COL14A1: variants seen among roughly 807,000 people sequenced by gnomAD.
COL14A1 encodes collagen alpha-1(XIV) chain.
A neutral mutation model predicts 230.3 loss-of-function variants in COL14A1; 136 were observed. The ratio of observed to expected loss-of-function variants is 0.59; its 90% confidence interval spans 0.51 to 0.68. The LOEUF (loss-of-function observed/expected upper bound fraction) is 0.68. COL14A1 is among the 30% of genes least tolerant of loss of function. COL14A1 has a pLI of 0.00. For synonymous variants in COL14A1, 792 were observed against 784.1 expected, an observed-to-expected ratio of 1.01 and a Z score of -0.17; for missense variants, 1,976 against 2,215.8, an observed-to-expected ratio of 0.89 and a Z score of 2.17.
At chr8:120,289,476 T>C in intron 33 of COL14A1, 132 bp from the exon 34 acceptor site, 1 of 820,968 alleles carries the variant, frequency 1.2e-6, no homozygotes, top group Non-Finnish European at 1.8e-6. Context: ...TTTTCTCTTT[T>C]GGCAAAATAC....
intron 26 of COL14A1, among the ~76,000 whole-genome samples, chr8:120,270,737 A>G (rs10088304): frequency 0.021 from 3,157 of 151,852 alleles, 113 homozygotes; most frequent in African/African-American, 0.071. Flanking sequence ...GATGCTGGCA[A>G]GATTGTGGAG....
chr8:120,237,032 G>C (rs199660665), intron 19 of COL14A1, among the ~76,000 whole-genome samples: 1 of 152,102 alleles, frequency 6.6e-6, no homozygotes, highest in South Asian at 2.1e-4. Context: ...CCAACCTTTC[G>C]CTCTGGCTGC....
intron 36 of COL14A1, 133 bp from the exon 37 acceptor site, chr8:120,309,876 A>C: frequency 1.5e-6 from 1 of 659,966 alleles, no homozygotes; most frequent in Non-Finnish European, 2.4e-6. Context: ...ATCATGATGA[A>C]TGTATACTAT....
intron 2 of COL14A1, among the ~76,000 whole-genome samples, chr8:120,150,855 C>T (rs1391838961): frequency 6.6e-6 from 1 of 151,990 alleles, no homozygotes; most frequent in Non-Finnish European, 1.5e-5. Context: ...TTTAGGAATT[C>T]ACTTATAAGG....
chr8:120,194,549 G>A (rs905357659), intron 5 of COL14A1, among the ~76,000 whole-genome samples: 7 of 151,932 alleles, frequency 4.6e-5, no homozygotes, highest in African/African-American at 1.7e-4. Context: ...TCTATATCTT[G>A]TTTAGGAGCT....
chr8:120,208,090 C>T, intron 10 of COL14A1, 142 bp from the exon 11 acceptor site: 3 of 733,050 alleles, frequency 4.1e-6, no homozygotes, highest in Non-Finnish European at 6.3e-6. Context: ...AGAGAGTTGA[C>T]TGCCACAGTG....
intron 21 of COL14A1, among the ~76,000 whole-genome samples, chr8:120,249,713 A>C (rs757866187): frequency 2.2e-4 from 34 of 152,332 alleles, no homozygotes; most frequent in Admixed American, 9.8e-4. Flanking sequence ...TCTGCCCCAG[A>C]ATAAATAATT....
At position 120,147,792 on chromosome 8, in the gene COL14A1, C is replaced by T. The variant is rs1399400132; in HGVS notation, c.-37-14C>T. The T allele has an allele frequency of 7.3e-7, 1 of 1,371,388 alleles. No individual in the cohort carries two copies. The highest frequency in any genetic ancestry group is 1.0e-6 in the Non-Finnish European group (1 of 974,608). The allele number at this position is 1,371,388 out of a possible 1,614,324, so 85.0% of individuals were successfully genotyped here. A position where few individuals can be genotyped will look rare whatever the true frequency, so the allele number is the denominator to read the frequency against. The stretch of plus-strand genomic sequence containing the variant: ...CAGCCTTCTCAAAAATGTTCCTGTT[C>T]TCTCTGTTTCTAGGTGGCTGCTACA... On this transcript the variant is annotated splice_polypyrimidine_tract_variant and intron_variant, in intron 1 of 47. Coordinates refer to ENST00000297848, the MANE Select transcript of COL14A1 (RefSeq NM_021110.4).
intron 42 of COL14A1, among the ~76,000 whole-genome samples, chr8:120,333,870 C>T (rs1315932502): frequency 6.6e-6 from 1 of 152,206 alleles, no homozygotes; most frequent in Non-Finnish European, 1.5e-5. Context: ...AGTCACTTCT[C>T]TCTGACAACA....
At chr8:120,166,674 A>G (rs746233697) in intron 4 of COL14A1, among the ~76,000 whole-genome samples, 3 of 152,198 alleles carry the variant, frequency 2.0e-5, no homozygotes, top group Non-Finnish European at 2.9e-5. Flanking sequence ...TTTGGAAATT[A>G]TCTATGAAAA....
intron 19 of COL14A1, among the ~76,000 whole-genome samples, chr8:120,236,700 T>G (rs1252293819): frequency 6.6e-6 from 1 of 152,228 alleles, no homozygotes; most frequent in African/African-American, 2.4e-5. Flanking sequence ...TTGATGCAGT[T>G]TCTTCGTAAT....
chr8:120,209,687 T>C, intron 11 of COL14A1, 69 bp from the exon 12 acceptor site: 1 of 1,460,178 alleles, frequency 6.8e-7, no homozygotes, highest in South Asian at 1.3e-5. Context: ...ATCTTATTTC[T>C]TGATAATTTC....
chr8:120,244,727 T>G (rs1254470629), intron 20 of COL14A1, among the ~76,000 whole-genome samples: 2 of 152,246 alleles, frequency 1.3e-5, no homozygotes, highest in African/African-American at 4.8e-5. Context: ...TTCCCTTTTA[T>G]GCAAGCCACT....
chr8:120,187,240 A>T (rs1357633156), intron 5 of COL14A1, among the ~76,000 whole-genome samples: 1 of 152,238 alleles, frequency 6.6e-6, no homozygotes, highest in Non-Finnish European at 1.5e-5. Context: ...TATTGTTTAA[A>T]AGGAAGATTT....
At chr8:120,301,070 T>C (rs1820695800) in intron 36 of COL14A1, among the ~76,000 whole-genome samples, 1 of 152,174 alleles carries the variant, frequency 6.6e-6, no homozygotes, top group Non-Finnish European at 1.5e-5. Flanking sequence ...CGATGTCTCA[T>C]ACTGGTCTAT....
chr8:120,202,989 AATATATATAT>A (rs201356550), intron 8 of COL14A1, among the ~76,000 whole-genome samples: 17 of 106,550 alleles, frequency 1.6e-4, no homozygotes, highest in South Asian at 3.6e-4. Context: ...AATAATTTCA[AATATATATAT>A]ATATATATAT....
chr8:120,241,421 A>G (rs1469262058), intron 19 of COL14A1, among the ~76,000 whole-genome samples: 2 of 152,146 alleles, frequency 1.3e-5, no homozygotes, highest in African/African-American at 4.8e-5. Flanking sequence ...CTGGTTGGAT[A>G]TGGTCCAGGT....
chr8:120,277,644 A>G (rs1819895876), intron 26 of COL14A1: 3 of 152,106 alleles, frequency 2.0e-5, no homozygotes, highest in African/African-American at 7.2e-5. Context: ...ATCTTGTGCA[A>G]ATTAACACAG....
chr8:120,298,628 T>TATATATAC (rs1820608605), intron 35 of COL14A1, among the ~76,000 whole-genome samples: 1 of 101,418 alleles, frequency 9.9e-6, no homozygotes, highest in African/African-American at 3.7e-5. Context: ...TATATATATA[T>TATATATAC]ATATATATAT....
Sources: gnomAD v4.1 joint callset for allele counts (sites outside exome capture counted in the v4.1 genomes callset) on GRCh38, gnomAD v4.1.1 for gene constraint, MANE v1.5 for transcripts, NCBI Gene and HGNC (gene_info 2026-07-23, HGNC 2026-07-21) for gene names.